Variants in KCNN2 observed in about 807,000 individuals in gnomAD.
The protein encoded by KCNN2 is small conductance calcium-activated potassium channel protein 2.
In KCNN2, 24 loss-of-function variants were observed where a neutral mutation model predicts 55.5. The ratio of observed to expected loss-of-function variants is 0.43; its 90% CI spans 0.31 to 0.61. The LOEUF (loss-of-function observed/expected upper bound fraction) is 0.61. Ranked by LOEUF, KCNN2 falls within the 20% of genes least tolerant of loss-of-function variation. KCNN2 has a pLI of 0.08. For missense variants in KCNN2, 754 were observed against 853.6 expected (o/e 0.88, Z 1.45); for synonymous variants, 431 against 336.1 (o/e 1.28, Z -3.09).
intron 2 of KCNN2, among the ~76,000 whole-genome samples, chr5:114,331,516 A>C (rs1399037764): frequency 6.6e-6 from 1 of 150,930 alleles, no homozygotes; most frequent in Non-Finnish European, 1.5e-5. Context: ...TAGAATTTGT[A>C]GTGTTAAGGG....
At chr5:114,296,227 T>C (rs1008605621) in intron 2 of KCNN2, among the ~76,000 whole-genome samples, 5 of 152,180 alleles carry the variant, frequency 3.3e-5, no homozygotes, top group African/African-American at 1.2e-4. Context: ...ATGAGTAACC[T>C]CTTATAGCCT....
chr5:114,387,031 A>C (rs985351601), intron 2 of KCNN2, among the ~76,000 whole-genome samples: 12 of 152,230 alleles, frequency 7.9e-5, no homozygotes, highest in African/African-American at 2.7e-4. Context: ...TAGGGTAGAA[A>C]AAAATGGAGC....
chr5:114,413,703 C>T (rs1759207202), intron 3 of KCNN2, among the ~76,000 whole-genome samples: 1 of 152,176 alleles, frequency 6.6e-6, no homozygotes, highest in Non-Finnish European at 1.5e-5. Flanking sequence ...AAAATACCAG[C>T]ACTGTTAAAT....
chr5:114,083,389 G>A (rs1053133182), intron 1 of KCNN2, among the ~76,000 whole-genome samples: 37 of 152,032 alleles, frequency 2.4e-4, no homozygotes, highest in Middle Eastern at 3.4e-3. Flanking sequence ...GTTCAAAGCT[G>A]TAAATTTCCC....
chr5:114,085,460 T>C (rs560877105), intron 1 of KCNN2, among the ~76,000 whole-genome samples: 1 of 152,026 alleles, frequency 6.6e-6, no homozygotes, highest in Non-Finnish European at 1.5e-5. Flanking sequence ...TTGCAAATGA[T>C]ATTGTGTTTT....
intron 1 of KCNN2, among the ~76,000 whole-genome samples, chr5:114,091,833 G>T (rs982971379): frequency 6.6e-6 from 1 of 152,120 alleles, no homozygotes; most frequent in Non-Finnish European, 1.5e-5. Flanking sequence ...GTGGAAAACT[G>T]CTTCCGTGAT....
intron 1 of KCNN2, among the ~76,000 whole-genome samples, chr5:114,199,179 C>T (rs2112570249): frequency 6.6e-6 from 1 of 152,014 alleles, no homozygotes; most frequent in East Asian, 1.9e-4. Flanking sequence ...TGCATAATGA[C>T]CTTTGTCATT....
At chr5:114,274,562 G>T (rs1561550215) in intron 2 of KCNN2, among the ~76,000 whole-genome samples, 1 of 152,094 alleles carries the variant, frequency 6.6e-6, no homozygotes, top group Non-Finnish European at 1.5e-5. Context: ...ATCCCTTTAA[G>T]TTGTATTCCT....
chr5:114,079,387 A>G (rs1750752592), intron 1 of KCNN2, among the ~76,000 whole-genome samples: 1 of 152,208 alleles, frequency 6.6e-6, no homozygotes, highest in Admixed American at 6.5e-5. Context: ...AGTGAGATAT[A>G]AAATATAATC....
At chr5:114,427,631 C>T (rs1580821741) in intron 3 of KCNN2, among the ~76,000 whole-genome samples, 2 of 152,194 alleles carry the variant, frequency 1.3e-5, no homozygotes, top group African/African-American at 2.4e-5. Context: ...TGTATGTGCT[C>T]ATTTCTCCTG....
intron 1 of KCNN2, among the ~76,000 whole-genome samples, chr5:114,144,425 G>A (rs748783131): frequency 6.6e-6 from 1 of 152,110 alleles, no homozygotes; most frequent in Non-Finnish European, 1.5e-5. Flanking sequence ...TCCAGCAGTA[G>A]CAGCAGTCAC....
chr5:114,369,689 A>G (rs1218907221), intron 2 of KCNN2, among the ~76,000 whole-genome samples: 4 of 152,294 alleles, frequency 2.6e-5, no homozygotes, highest in African/African-American at 9.6e-5. Context: ...ACACTGTAGT[A>G]ACGAAATCAC....
rs181849703 is a variant in KCNN2, at chr5:114,170,261, C to G, written c.-270-51219C>G. ...TATGTAACACTCTTACAGAGCAGGT[C>G]CAATCATTCATTTACCTCACAATAT... On this transcript the variant is annotated intron_variant, in intron 1 of 10. Coordinates refer to the KCNN2 transcript ENST00000512097. Among the ~76,000 whole-genome samples, 650 of 152,110 alleles carry G rather than the reference C, an allele frequency of 4.3e-3. 8 individuals carry two copies. The highest frequency in any genetic ancestry group is 7.0e-3 in the Admixed American group (107 of 15,254).
intron 1 of KCNN2, among the ~76,000 whole-genome samples, chr5:114,132,791 T>G (rs1190650333): frequency 2.6e-5 from 4 of 152,210 alleles, no homozygotes; most frequent in Non-Finnish European, 5.9e-5. Flanking sequence ...TATACTGTAT[T>G]AGGCAGGAGA....
At chr5:114,196,467 C>G (rs1753559830) in intron 1 of KCNN2, among the ~76,000 whole-genome samples, 1 of 151,956 alleles carries the variant, frequency 6.6e-6, no homozygotes, top group Non-Finnish European at 1.5e-5. Context: ...GTGAAATTCA[C>G]CAACAGGCCA....
chr5:114,082,324 TAAA>T (rs1330850146), intron 1 of KCNN2, among the ~76,000 whole-genome samples: 1 of 136,956 alleles, frequency 7.3e-6, no homozygotes, highest in African/African-American at 2.7e-5. Context: ...ACCGTATCTT[TAAA>T]AAAAAAAAAA....
intron 1 of KCNN2, among the ~76,000 whole-genome samples, chr5:114,098,415 G>A (rs560987133): frequency 6.6e-6 from 1 of 152,088 alleles, no homozygotes; most frequent in Admixed American, 6.6e-5. Flanking sequence ...AAAGTAAGTG[G>A]CAGGCAAGTG....
chr5:114,312,424 C>CATAT (rs1756414912), intron 2 of KCNN2, among the ~76,000 whole-genome samples: 6 of 60,186 alleles, frequency 1.0e-4, no homozygotes, highest in Admixed American at 1.9e-4. Context: ...CACACACACA[C>CATAT]ACACACACAC....
intron 2 of KCNN2, among the ~76,000 whole-genome samples, chr5:114,318,448 T>C (rs1262086482): frequency 6.6e-6 from 1 of 152,044 alleles, no homozygotes; most frequent in Non-Finnish European, 1.5e-5. Flanking sequence ...GTTTAAGGTA[T>C]GTATTTATAA....
Sources: allele counts gnomAD v4.1 joint callset (sites outside exome capture counted in the v4.1 genomes callset), GRCh38; gene constraint gnomAD v4.1.1; transcripts MANE v1.5; gene names NCBI Gene and HGNC (gene_info 2026-07-23, HGNC 2026-07-21).